The following LRRC3B variants were observed in gnomAD, a reference collection of about 807,000 sequenced individuals.
The protein encoded by LRRC3B is leucine-rich repeat-containing protein 3B.
LRRC3B carries 2 observed loss-of-function variants against 12.8 expected under a neutral mutation model. That is an observed-to-expected ratio of 0.16 (90% CI 0.06 to 0.49). The LOEUF (loss-of-function observed/expected upper bound fraction) is 0.49. Ranked by LOEUF, LRRC3B falls within the 20% of genes least tolerant of loss-of-function variation. The pLI is 0.96. For missense variants in LRRC3B, 189 were observed against 319.4 expected (o/e 0.59, Z 3.11); for synonymous variants, 132 against 122.0 (o/e 1.08, Z -0.54).
intron 1 of LRRC3B, among the ~76,000 whole-genome samples, chr3:26,699,335 A>T (rs1014333399): frequency 6.6e-6 from 1 of 152,154 alleles, no homozygotes; most frequent in African/African-American, 2.4e-5. Context: ...CATTTCACAC[A>T]TATTTTATTG....
At chr3:26,701,071 T>C (rs533532757) in intron 1 of LRRC3B, among the ~76,000 whole-genome samples, 2 of 152,300 alleles carry the variant, frequency 1.3e-5, no homozygotes, top group African/African-American at 4.8e-5. Flanking sequence ...TCCTAGATAA[T>C]AGATTGTCCT....
chr3:26,636,896 C>CTCTT (rs1698895340), intron 1 of LRRC3B, among the ~76,000 whole-genome samples: 4 of 94,722 alleles, frequency 4.2e-5, no homozygotes, highest in African/African-American at 9.2e-5. Flanking sequence ...CTTTCTCTCT[C>CTCTT]TCTCTCTTTC....
At chr3:26,677,656 A>C (rs939811048) in intron 1 of LRRC3B, among the ~76,000 whole-genome samples, 1 of 152,250 alleles carries the variant, frequency 6.6e-6, no homozygotes, top group Non-Finnish European at 1.5e-5. Context: ...ACAATCCCAA[A>C]GAAACACATG....
intron 1 of LRRC3B, among the ~76,000 whole-genome samples, chr3:26,657,724 CGAGGTT>C (rs1699404146): frequency 6.6e-6 from 1 of 151,902 alleles, no homozygotes; most frequent in African/African-American, 2.4e-5. Context: ...TCATTACTTT[CGAGGTT>C]GCTCTCTGAG....
chr3:26,681,358 A>ATAT (rs1699966454), intron 1 of LRRC3B, among the ~76,000 whole-genome samples: 1 of 152,226 alleles, frequency 6.6e-6, no homozygotes, highest in African/African-American at 2.4e-5. Context: ...TTATGAGAAC[A>ATAT]TATTAGTAGC....
At chr3:26,690,890 A>T (rs1452752741) in intron 1 of LRRC3B, among the ~76,000 whole-genome samples, 1 of 151,912 alleles carries the variant, frequency 6.6e-6, no homozygotes, top group African/African-American at 2.4e-5. Context: ...TCTTACTGTT[A>T]GAATTACATT....
chr3:26,669,425 A>G (rs1211440881), intron 1 of LRRC3B, among the ~76,000 whole-genome samples: 2 of 152,202 alleles, frequency 1.3e-5, no homozygotes, highest in Non-Finnish European at 2.9e-5. Context: ...AACTAGTTTT[A>G]CTAGATCCAG....
chr3:26,637,537 G>A (rs1698929363), intron 1 of LRRC3B, among the ~76,000 whole-genome samples: 1 of 152,150 alleles, frequency 6.6e-6, no homozygotes, highest in African/African-American at 2.4e-5. Context: ...CAGGAAGTCT[G>A]GACACATTGT....
chr3:26,671,350 G>GTGTATATATATA (rs1338809866), intron 1 of LRRC3B, among the ~76,000 whole-genome samples: 1 of 56,756 alleles, frequency 1.8e-5, no homozygotes, highest in Admixed American at 2.7e-4. Flanking sequence ...ATATATGTGT[G>GTGTATATATATA]TATATATATA....
At chr3:26,633,666 A>T (rs747764244) in intron 1 of LRRC3B, among the ~76,000 whole-genome samples, 28 of 152,166 alleles carry the variant, frequency 1.8e-4, no homozygotes, top group Non-Finnish European at 1.5e-4. Flanking sequence ...CACAAAATTG[A>T]TAAGACAGAT....
chr3:26,646,676 A>C, intron 1 of LRRC3B, among the ~76,000 whole-genome samples: 1 of 150,896 alleles, frequency 6.6e-6, no homozygotes. Flanking sequence ...CCCCTCATGC[A>C]AAAATCACTC....
chr3:26,655,140 G>A (rs1699345217), intron 1 of LRRC3B, among the ~76,000 whole-genome samples: 2 of 151,994 alleles, frequency 1.3e-5, no homozygotes, highest in South Asian at 2.1e-4. Context: ...ATAAGTTGAA[G>A]TTTAACCTTA....
At chr3:26,693,512 A>AGTT (rs1700237732) in intron 1 of LRRC3B, among the ~76,000 whole-genome samples, 2 of 152,312 alleles carry the variant, frequency 1.3e-5, no homozygotes, top group South Asian at 4.1e-4. Flanking sequence ...GGAGCTTTAA[A>AGTT]GTTGCATTGC....
At chr3:26,671,387 G>C (rs1200342085) in intron 1 of LRRC3B, among the ~76,000 whole-genome samples, 2 of 109,380 alleles carry the variant, frequency 1.8e-5, no homozygotes, top group Non-Finnish European at 3.6e-5. Context: ...GAGAGAGAGA[G>C]AGAGAGAGAG....
At chr3:26,677,148 G>A (rs1341309163) in intron 1 of LRRC3B, among the ~76,000 whole-genome samples, 2 of 152,150 alleles carry the variant, frequency 1.3e-5, no homozygotes, top group Admixed American at 6.5e-5. Context: ...TCTTCACAGG[G>A]ATGTTGAATA....
At chr3:26,646,334 G>A (rs550037714) in intron 1 of LRRC3B, among the ~76,000 whole-genome samples, 209 of 152,262 alleles carry the variant, frequency 1.4e-3, no homozygotes, top group African/African-American at 4.9e-3. Context: ...TTGAATTCAT[G>A]TAAAAGCAGT....
At chr3:26,647,688 G>A (rs1426820153) in intron 1 of LRRC3B, among the ~76,000 whole-genome samples, 1 of 152,120 alleles carries the variant, frequency 6.6e-6, no homozygotes, top group Middle Eastern at 3.2e-3. Flanking sequence ...GCCTGATACA[G>A]CTCATTGCCA....
intron 1 of LRRC3B, among the ~76,000 whole-genome samples, chr3:26,709,201 G>T (rs1237105791): frequency 1.3e-5 from 2 of 152,148 alleles, no homozygotes. Flanking sequence ...TTTTATTTCT[G>T]TAGAATTCGA....
At chr3:26,698,000 G>A (rs1430897112) in intron 1 of LRRC3B, among the ~76,000 whole-genome samples, 3 of 152,120 alleles carry the variant, frequency 2.0e-5, no homozygotes, top group Admixed American at 2.0e-4. Context: ...ACATGAAAAA[G>A]TTGATAAAAT....
Sources: gnomAD v4.1 joint callset for allele counts (sites outside exome capture counted in the v4.1 genomes callset) on GRCh38, gnomAD v4.1.1 for gene constraint, MANE v1.5 for transcripts, NCBI Gene and HGNC (gene_info 2026-07-23, HGNC 2026-07-21) for gene names.